The following EPHA6 variants were observed in gnomAD, a reference collection of about 807,000 sequenced individuals.
The protein encoded by EPHA6 is ephrin type-A receptor 6.
Under a neutral mutation model 112.0 loss-of-function variants are expected in EPHA6, and 50 were observed. The observed-to-expected ratio is 0.45, with a 90% CI of 0.36 to 0.56. The LOEUF (loss-of-function observed/expected upper bound fraction) is 0.56, where lower values mean the gene tolerates loss of function less well. EPHA6 is among the 20% of genes least tolerant of loss of function. The pLI is 0.00. For missense variants in EPHA6, 1,280 were observed against 1,417.4 expected, an observed-to-expected ratio of 0.90 and a Z score of 1.56; for synonymous variants, 529 against 490.7, an observed-to-expected ratio of 1.08 and a Z score of -1.03.
chr3:97,203,923 T>C (rs956190545), intron 3 of EPHA6, among the ~76,000 whole-genome samples: 1 of 152,172 alleles, frequency 6.6e-6, no homozygotes, highest in African/African-American at 2.4e-5. Flanking sequence ...GCGTGGCACA[T>C]GTATACATAT....
At chr3:97,137,892 G>A (rs1262871384) in intron 3 of EPHA6, among the ~76,000 whole-genome samples, 2 of 152,100 alleles carry the variant, frequency 1.3e-5, no homozygotes, top group African/African-American at 4.8e-5. Flanking sequence ...AGAAAAAAAT[G>A]TGAGAGAAGG....
chr3:97,750,322 C>G lies in EPHA6; in HGVS notation c.*1621C>G, dbSNP rs756834992. ...GGTTTTTTTTTTTTAAATAAAGGAC[C>G]CTGTTTTTGTTTTTTGTTTTTGTTT... is the stretch of plus-strand genomic sequence containing the variant. On this transcript the variant is annotated 3_prime_UTR_variant, in exon 18 of 18. Coordinates refer to ENST00000389672, the MANE Select transcript of EPHA6 (RefSeq NM_001080448.3). Among the ~76,000 whole-genome samples the G allele has an allele frequency of 2.0e-5, 3 of 150,740 alleles. No individual in the cohort carries two copies. The highest frequency in any genetic ancestry group is 4.4e-5 in the Non-Finnish European group (3 of 67,704).
intron 3 of EPHA6, among the ~76,000 whole-genome samples, chr3:97,186,052 G>A (rs2077122561): frequency 7.5e-6 from 1 of 132,506 alleles, no homozygotes; most frequent in Non-Finnish European, 1.6e-5. Flanking sequence ...TCACACACCG[G>A]GGACTGTTGT....
intron 6 of EPHA6, among the ~76,000 whole-genome samples, chr3:97,410,273 T>A (rs2087630557): frequency 6.6e-6 from 1 of 152,034 alleles, no homozygotes; most frequent in East Asian, 1.9e-4. Flanking sequence ...AGATAGATAA[T>A]CAGTAACATG....
At chr3:96,912,121 G>T (rs945325654) in intron 2 of EPHA6, among the ~76,000 whole-genome samples, 6 of 152,040 alleles carry the variant, frequency 3.9e-5, no homozygotes, top group Non-Finnish European at 7.4e-5. Context: ...TTTTAAATTT[G>T]CCCTTACTGT....
intron 3 of EPHA6, among the ~76,000 whole-genome samples, chr3:97,104,986 A>G (rs2047520859): frequency 6.6e-6 from 1 of 151,854 alleles, no homozygotes; most frequent in East Asian, 1.9e-4. Flanking sequence ...GTCAGTGTTA[A>G]CATCCCCTTT....
chr3:97,484,266 T>A (rs2107499251), intron 10 of EPHA6, among the ~76,000 whole-genome samples: 1 of 152,330 alleles, frequency 6.6e-6, no homozygotes, highest in South Asian at 2.1e-4. Context: ...CAAAAGTTAC[T>A]TTTAACATTC....
At chr3:97,673,827 A>T (rs2031101120) in intron 14 of EPHA6, among the ~76,000 whole-genome samples, 1 of 152,360 alleles carries the variant, frequency 6.6e-6, no homozygotes, top group East Asian at 1.9e-4. Flanking sequence ...TTAGCCTGTG[A>T]TGTATCTGAA....
intron 11 of EPHA6, among the ~76,000 whole-genome samples, chr3:97,587,334 T>C (rs2093499894): frequency 6.6e-6 from 1 of 152,210 alleles, no homozygotes; most frequent in South Asian, 2.1e-4. Context: ...TTAAATATTT[T>C]GGGCCCAAAC....
chr3:97,067,196 A>G (rs2046204432), intron 3 of EPHA6, among the ~76,000 whole-genome samples: 1 of 152,106 alleles, frequency 6.6e-6, no homozygotes, highest in South Asian at 2.1e-4. Context: ...GCCTTAGGCA[A>G]AAATTTAAAT....
chr3:97,421,818 G>A (rs1459288010), intron 6 of EPHA6, among the ~76,000 whole-genome samples: 1 of 152,032 alleles, frequency 6.6e-6, no homozygotes, highest in Non-Finnish European at 1.5e-5. Flanking sequence ...TTGCACATGT[G>A]TGGACCTTGA....
chr3:97,042,397 G>A (rs940932704), intron 3 of EPHA6, among the ~76,000 whole-genome samples: 1 of 151,978 alleles, frequency 6.6e-6, no homozygotes, highest in African/African-American at 2.4e-5. Context: ...CATGCTTCCT[G>A]TACAGCCTGC....
At chr3:97,547,703 G>C (rs1410864553) in intron 11 of EPHA6, among the ~76,000 whole-genome samples, 3 of 152,168 alleles carry the variant, frequency 2.0e-5, no homozygotes, top group Admixed American at 1.3e-4. Flanking sequence ...GCTGTGGTGG[G>C]CTCCACCCAG....
intron 5 of EPHA6, among the ~76,000 whole-genome samples, chr3:97,370,836 A>G (rs538398286): frequency 6.6e-6 from 1 of 152,174 alleles, no homozygotes; most frequent in South Asian, 2.1e-4. Context: ...TTTTCAAAGG[A>G]GAATCTAAAG....
chr3:96,823,999 T>C (rs1488581649), intron 1 of EPHA6, among the ~76,000 whole-genome samples: 2 of 151,974 alleles, frequency 1.3e-5, no homozygotes, highest in Admixed American at 6.6e-5. Flanking sequence ...AAGGTACTTA[T>C]AGTATGATAA....
chr3:97,341,799 T>G (rs1221884152), intron 5 of EPHA6, among the ~76,000 whole-genome samples: 1 of 152,216 alleles, frequency 6.6e-6, no homozygotes, highest in Non-Finnish European at 1.5e-5. Flanking sequence ...TCAACGTACC[T>G]TTCCGTGTTC....
chr3:97,566,305 C>T (rs1315457043), intron 11 of EPHA6, among the ~76,000 whole-genome samples: 1 of 152,188 alleles, frequency 6.6e-6, no homozygotes, highest in African/African-American at 2.4e-5. Flanking sequence ...ACCCAGTCTT[C>T]TCCCATCAGG....
At chr3:97,672,382 T>G (rs1444398523) in intron 14 of EPHA6, among the ~76,000 whole-genome samples, 7 of 152,188 alleles carry the variant, frequency 4.6e-5, no homozygotes, top group Non-Finnish European at 7.3e-5. Flanking sequence ...TCCAAACTAT[T>G]ATTAGTTCTG....
At chr3:97,543,709 G>A (rs2092902920) in intron 11 of EPHA6, among the ~76,000 whole-genome samples, 1 of 151,922 alleles carries the variant, frequency 6.6e-6, no homozygotes, top group Non-Finnish European at 1.5e-5. Context: ...TCACGATATT[G>A]ATTCTTCCTA....
Sources: allele counts gnomAD v4.1 joint callset (sites outside exome capture counted in the v4.1 genomes callset), GRCh38; gene constraint gnomAD v4.1.1; transcripts MANE v1.5; gene names NCBI Gene and HGNC (gene_info 2026-07-23, HGNC 2026-07-21).